The following SOCS5 variants were observed in gnomAD, a reference collection of about 807,000 sequenced individuals.
SOCS5 encodes suppressor of cytokine signaling 5.
SOCS5 carries 32 observed loss-of-function variants against 42.8 expected under a neutral mutation model. The observed-to-expected ratio is 0.75, with a 90% CI of 0.56 to 1.01. The LOEUF is 1.01. Among genes scored for constraint, SOCS5 ranks in the 50% least tolerant of loss-of-function variants. The probability of loss-of-function intolerance (pLI) is 0.00; values close to 1 mark genes in which losing one functional copy is unlikely to be tolerated. For synonymous variants in SOCS5, 283 were observed against 229.6 expected (o/e 1.23, Z -2.10); for missense variants, 627 against 653.0 (o/e 0.96, Z 0.43).
intron 1 of SOCS5, among the ~76,000 whole-genome samples, chr2:46,704,885 T>C (rs1307874164): frequency 6.6e-6 from 1 of 152,144 alleles, no homozygotes; most frequent in Non-Finnish European, 1.5e-5. Context: ...TCCAGGGAAA[T>C]CAGCATTGGG....
chr2:46,705,717 C>G (rs111288106), intron 1 of SOCS5, among the ~76,000 whole-genome samples: 2 of 152,112 alleles, frequency 1.3e-5, no homozygotes, highest in Non-Finnish European at 2.9e-5. Flanking sequence ...AACAGCAGTC[C>G]AACCCCATTA....
At chr2:46,751,271 G>T (rs1019272781) in intron 1 of SOCS5, among the ~76,000 whole-genome samples, 2 of 152,024 alleles carry the variant, frequency 1.3e-5, no homozygotes, top group East Asian at 1.9e-4. Flanking sequence ...TCAAGATTCA[G>T]CTTTTTTCCA....
chr2:46,701,467 C>A (rs1490071083), intron 1 of SOCS5, among the ~76,000 whole-genome samples: 1 of 152,168 alleles, frequency 6.6e-6, no homozygotes, highest in African/African-American at 2.4e-5. Context: ...GATTAAATTG[C>A]TATTTAATGG....
Position 46,758,650 on chromosome 2 carries a change from C to G in SOCS5, c.120C>G (p.Val40=). 1.9e-6 allele frequency: 3 copies of G among 1,613,944 alleles called. No homozygotes were observed. Among genetic ancestry groups the G allele is most frequent in the Non-Finnish European group, 2.5e-6 (3 of 1,179,916 alleles). Residue 40 remains valine, a synonymous_variant, in exon 2 of 2, where the codon GTC becomes GTG. Coordinates refer to ENST00000394861, the MANE Select transcript of SOCS5 (RefSeq NM_144949.3). ...TGAACTCCAACAGATGTTTGTCTGT[C>G]AAAGAGAAAAACATCAGCATAGGAG... ...VDMNSNRCLS[V]KEKNISIGDS... is the part of the protein sequence containing the mutation.
intron 1 of SOCS5, among the ~76,000 whole-genome samples, chr2:46,709,900 A>T (rs1485859229): frequency 6.6e-6 from 1 of 152,180 alleles, no homozygotes; most frequent in Admixed American, 6.5e-5. Flanking sequence ...CTCCTTACAT[A>T]CTTCTATAAC....
intron 1 of SOCS5, among the ~76,000 whole-genome samples, chr2:46,741,415 T>G (rs1023767137): frequency 1.3e-5 from 2 of 152,140 alleles, no homozygotes; most frequent in African/African-American, 4.8e-5. Flanking sequence ...ATTTTTGTAT[T>G]TTTACAAATC....
At chr2:46,724,771 A>G (rs1390868739) in intron 1 of SOCS5, among the ~76,000 whole-genome samples, 2 of 151,894 alleles carry the variant, frequency 1.3e-5, no homozygotes, top group African/African-American at 4.8e-5. Flanking sequence ...GATTTGTTTT[A>G]TGGCCTAGGA....
intron 1 of SOCS5, among the ~76,000 whole-genome samples, chr2:46,722,851 TTTTTA>T (rs1193336488): frequency 6.6e-6 from 1 of 152,134 alleles, no homozygotes; most frequent in Admixed American, 6.5e-5. Flanking sequence ...TTACCACCAC[TTTTTA>T]TTTTATTTGT....
intron 1 of SOCS5, among the ~76,000 whole-genome samples, chr2:46,710,545 C>T (rs1321867443): frequency 6.6e-6 from 1 of 151,774 alleles, no homozygotes; most frequent in Non-Finnish European, 1.5e-5. Context: ...TCTTTAATAA[C>T]CTTAAGAAAT....
At chr2:46,732,613 G>T (rs1407925304) in intron 1 of SOCS5, among the ~76,000 whole-genome samples, 3 of 152,224 alleles carry the variant, frequency 2.0e-5, no homozygotes, top group African/African-American at 7.2e-5. Flanking sequence ...GACCACTGAA[G>T]AATTTTGAAC....
In SOCS5 at chr2:46,761,104, C is replaced by G. The variant is rs1673858816; in HGVS notation, c.*963C>G. ...AGAATTTATCTCTTTTTTGTAAACT[C>G]TCATAACTGAATTGCTTAAGTATAA... is the stretch of plus-strand genomic sequence containing the variant. On this transcript the variant is annotated 3_prime_UTR_variant, in exon 2 of 2. Transcript: ENST00000394861. 6.0e-6 allele frequency: 1 copy of G among 167,014 alleles called. No homozygotes were observed. The highest frequency in any genetic ancestry group is 2.1e-4 in the South Asian group (1 of 4,830). The allele number at this position is 167,014 out of a possible 1,614,324, so 10.3% of individuals were successfully genotyped here.
chr2:46,712,850 A>G (rs912958884), intron 1 of SOCS5, among the ~76,000 whole-genome samples: 11 of 151,444 alleles, frequency 7.3e-5, no homozygotes, highest in African/African-American at 2.7e-4. Flanking sequence ...TCAATGAGGG[A>G]TTATTCTTGG....
At chr2:46,702,736 T>C (rs1213932834) in intron 1 of SOCS5, among the ~76,000 whole-genome samples, 1 of 152,248 alleles carries the variant, frequency 6.6e-6, no homozygotes, top group Non-Finnish European at 1.5e-5. Context: ...TGGTTCTTTT[T>C]AATTTGCTGT....
At chr2:46,727,274 G>A (rs1275575544) in intron 1 of SOCS5, among the ~76,000 whole-genome samples, 4 of 150,452 alleles carry the variant, frequency 2.7e-5, no homozygotes, top group Non-Finnish European at 4.4e-5. Context: ...TCAGCCTCCC[G>A]AGTAGCGGAG....
At chr2:46,742,357 C>G (rs997170540) in intron 1 of SOCS5, among the ~76,000 whole-genome samples, 12 of 150,004 alleles carry the variant, frequency 8.0e-5, no homozygotes, top group Non-Finnish European at 1.8e-4. Context: ...CCCACCCCCA[C>G]CTTCTTAGTA....
Position 46,759,143 on chromosome 2 carries a change from A to G in SOCS5, c.613A>G (p.Lys205Glu), listed in dbSNP as rs768888761. The part of the protein sequence containing the change: ...SKQSKPLFSN[K>E]RKIHLSELML... ...GCAGTCAAAGCCTCTCTTTTCCAAT[A>G]AAAGAAAAATCCATCTCTCTGAATT... The change falls in exon 2 of 2, where the codon AAA becomes GAA. Residue 205 changes from lysine (K) to glutamate (E), a missense_variant. By Grantham distance (56) the Lys-to-Glu change is moderately conservative (BLOSUM62 1). Coordinates refer to ENST00000394861, the MANE Select transcript of SOCS5 (RefSeq NM_144949.3). 1.2e-5 allele frequency: 20 copies of G among 1,613,914 alleles called. No individual in the cohort carries two copies. Among genetic ancestry groups the G allele is most frequent in the Non-Finnish European group, 1.5e-5 (18 of 1,179,882 alleles).
At chr2:46,714,014 T>C (rs187110004) in intron 1 of SOCS5, among the ~76,000 whole-genome samples, 2 of 152,332 alleles carry the variant, frequency 1.3e-5, no homozygotes, top group Admixed American at 1.3e-4. Context: ...AGAACATACA[T>C]ACTCTTAATA....
chr2:46,740,458 A>G (rs1673345948), intron 1 of SOCS5, among the ~76,000 whole-genome samples: 2 of 152,250 alleles, frequency 1.3e-5, no homozygotes, highest in Admixed American at 1.3e-4. Flanking sequence ...GATACACATG[A>G]TGTGTATCAT....
At position 46,727,334 on chromosome 2, in the gene SOCS5, G is replaced by T. The variant is rs1431765883; in HGVS notation, c.-13+27885G>T. ...GTCTTTGTCAGATAATTCAAATACT[G>T]TGTCATCTCAGTGTTGGTGTCTGTT... On this transcript the variant is annotated intron_variant, in intron 1 of 1. Transcript: ENST00000394861. 3.3e-5 allele frequency among the ~76,000 whole-genome samples: 5 copies of T among 152,040 alleles called. 1 individual carries two copies. The highest frequency in any genetic ancestry group is 2.6e-4 in the Admixed American group (4 of 15,260).
Sources: gnomAD v4.1 joint callset for allele counts (sites outside exome capture counted in the v4.1 genomes callset) on GRCh38, gnomAD v4.1.1 for gene constraint, MANE v1.5 for transcripts, NCBI Gene and HGNC (gene_info 2026-07-23, HGNC 2026-07-21) for gene names.